LCP2: variants seen among roughly 807,000 people sequenced by gnomAD.
The protein encoded by LCP2 is lymphocyte cytosolic protein 2, also known as 76 kDa tyrosine phosphoprotein.
A neutral mutation model predicts 74.5 loss-of-function variants in LCP2; 29 were observed. That is an observed-to-expected ratio of 0.39 (90% CI 0.29 to 0.53). The LOEUF (loss-of-function observed/expected upper bound fraction) is 0.53. Ranked by LOEUF, LCP2 falls within the 20% of genes least tolerant of loss-of-function variation. The pLI is 0.72. For synonymous variants in LCP2, 228 were observed against 229.5 expected (o/e 0.99, Z 0.06); for missense variants, 604 against 634.6 (o/e 0.95, Z 0.52).
intron 6 of LCP2, 179 bp downstream of exon 6, chr5:170,274,122 C>T: frequency 1.6e-6 from 1 of 629,142 alleles, no homozygotes; most frequent in Non-Finnish European, 2.8e-6. Context: ...GAGTGCATGG[C>T]TCCCAAAGCC....
chr5:170,259,721 C>T (rs1342550175), intron 14 of LCP2, among the ~76,000 whole-genome samples: 1 of 152,206 alleles, frequency 6.6e-6, no homozygotes, highest in East Asian at 1.9e-4. Context: ...TCCTATCACA[C>T]ACTGAGAGAA....
At position 170,274,331 on chromosome 5, in the gene LCP2, G is replaced by A. The variant is rs202068772; in HGVS notation, c.294C>T (p.His98=). Residue 98 remains histidine, a synonymous_variant, in exon 6 of 21, where the codon CAC becomes CAT. Coordinates refer to ENST00000046794, the MANE Select transcript of LCP2 (RefSeq NM_005565.5). The part of the protein sequence containing the change: ...VPRFPEETES[H]EEDNGGWSSF... ...ACGACCAGCCCCCATTGTCCTCTTC[G>A]TGGCTTTCTGTGGAAGGAGATGACA... 295 of 1,613,026 alleles carry A rather than the reference G, an allele frequency of 1.8e-4. No homozygotes were observed. The highest frequency in any genetic ancestry group is 6.6e-4 in the Middle Eastern group (4 of 6,060).
chr5:170,271,584 T>C (rs1243618531), intron 6 of LCP2, among the ~76,000 whole-genome samples: 3 of 152,196 alleles, frequency 2.0e-5, no homozygotes, highest in Admixed American at 2.0e-4. Flanking sequence ...TTTTTTATTG[T>C]ATTTTATTTT....
chr5:170,265,327 G>A (rs910551830), intron 10 of LCP2, among the ~76,000 whole-genome samples: 1 of 152,146 alleles, frequency 6.6e-6, no homozygotes, highest in African/African-American at 2.4e-5. Context: ...CATGTTAAAA[G>A]TCTCAGGTGG....
intron 3 of LCP2, among the ~76,000 whole-genome samples, chr5:170,276,643 CA>C (rs1762011837): frequency 2.0e-5 from 3 of 152,086 alleles, no homozygotes. Context: ...CCGACAGAAC[CA>C]TATCTCCAGC....
At chr5:170,278,409 T>TGGGGGGCGGGGGGGA (rs1172152749) in intron 3 of LCP2, among the ~76,000 whole-genome samples, 1 of 11,604 alleles carries the variant, frequency 8.6e-5, no homozygotes, top group African/African-American at 5.0e-4. Flanking sequence ...AGTGCAGGGG[T>TGGGGGGCGGGGGGGA]TGGGGGCGGG....
chr5:170,281,971 C>T (rs1448729081), intron 3 of LCP2, among the ~76,000 whole-genome samples: 3 of 152,198 alleles, frequency 2.0e-5, no homozygotes, highest in African/African-American at 7.2e-5. Flanking sequence ...AACGTGTATT[C>T]GTGTATTCTA....
intron 6 of LCP2, 103 bp from the exon 7 acceptor site, chr5:170,271,020 C>T (rs969264401): frequency 1.5e-5 from 15 of 1,019,280 alleles, no homozygotes; most frequent in South Asian, 8.7e-5. Context: ...CAGTATAACC[C>T]GGGACCAGGC....
chr5:170,260,835 T>G (rs534053941), intron 14 of LCP2, among the ~76,000 whole-genome samples: 1 of 152,352 alleles, frequency 6.6e-6, no homozygotes, highest in South Asian at 2.1e-4. Context: ...TTGTGCCCTG[T>G]AATTACCGGC....
At chr5:170,289,647 T>TTCTCTCTCTCTCTCTC (rs1762246889) in intron 2 of LCP2, among the ~76,000 whole-genome samples, 13 of 108,866 alleles carry the variant, frequency 1.2e-4, no homozygotes, top group African/African-American at 5.0e-4. Context: ...CTTTCTTTCT[T>TTCTCTCTCTCTCTCTC]TCTTTCTTTC....
At chr5:170,297,502 A>G in intron 1 of LCP2, 32 bp downstream of exon 1, 3 of 1,594,274 alleles carry the variant, frequency 1.9e-6, no homozygotes, top group Non-Finnish European at 1.7e-6. Context: ...GGGCACTAGC[A>G]TCATGACCAT....
chr5:170,289,629 CTTTCTTT>C (rs1762245320), intron 2 of LCP2, among the ~76,000 whole-genome samples: 1 of 101,210 alleles, frequency 9.9e-6, no homozygotes, highest in Non-Finnish European at 2.0e-5. Flanking sequence ...TTCTTTCTTT[CTTTCTTT>C]CTTTCTTTCT....
rs543691800 is a variant in LCP2 at position 170,281,499 on chromosome 5, C to T, written c.189-5639G>A. On this transcript the variant is annotated intron_variant, in intron 3 of 20. Coordinates refer to ENST00000046794, the MANE Select transcript of LCP2 (RefSeq NM_005565.5). ...GTTTCACTGTGTTAGCCAGGATGGTCTCGATCTCCTGACCTTGTGATCCGC... is the reference window on the plus strand; with the variant it reads ...GTTTCACTGTGTTAGCCAGGATGGTTTCGATCTCCTGACCTTGTGATCCGC... Among the ~76,000 whole-genome samples, 85 of 152,198 alleles carry T rather than the reference C, an allele frequency of 5.6e-4. 1 individual carries two copies. The highest frequency in any genetic ancestry group is 1.0e-3 in the Non-Finnish European group (69 of 68,034).
chr5:170,266,657 C>T, intron 10 of LCP2, 151 bp downstream of exon 10: 1 of 735,974 alleles, frequency 1.4e-6, no homozygotes. Context: ...GTCTCCGTTT[C>T]CTTATCTGTA....
chr5:170,285,696 T>C (rs1284157284), intron 3 of LCP2, among the ~76,000 whole-genome samples: 5 of 152,226 alleles, frequency 3.3e-5, no homozygotes, highest in Non-Finnish European at 5.9e-5. Flanking sequence ...TTTCCAGCCC[T>C]GTGAGTGGCT....
chr5:170,282,023 A>G (rs1274399547), intron 3 of LCP2, among the ~76,000 whole-genome samples: 1 of 152,180 alleles, frequency 6.6e-6, no homozygotes, highest in Non-Finnish European at 1.5e-5. Flanking sequence ...ATGAGGGCCA[A>G]CCTAGGCCCT....
intron 6 of LCP2, among the ~76,000 whole-genome samples, chr5:170,271,513 T>A (rs183217793): frequency 2.0e-4 from 30 of 152,282 alleles, no homozygotes; most frequent in African/African-American, 6.3e-4. Context: ...ACATCCATTA[T>A]TCATGAAATC....
At chr5:170,289,538 C>T (rs1474891081) in intron 2 of LCP2, among the ~76,000 whole-genome samples, 3 of 152,152 alleles carry the variant, frequency 2.0e-5, no homozygotes, top group Non-Finnish European at 4.4e-5. Context: ...TGAAGGGAGT[C>T]AGCCAGAAGT....
At position 170,256,117 on chromosome 5, in the gene LCP2, G is replaced by A. The variant is rs1455090013; in HGVS notation, c.1150+409C>T. Among the ~76,000 whole-genome samples the A allele has an allele frequency of 2.0e-5, 3 of 152,186 alleles. No homozygotes were observed. Among genetic ancestry groups the A allele is most frequent in the Non-Finnish European group, 4.4e-5 (3 of 68,014 alleles). ...GGAATAGTTCTGCACAGGAAGATTG[G>A]GGATGAGGGCTGGCTTCCTGGTGAA... is the stretch of plus-strand genomic sequence containing the variant. On this transcript the variant is annotated intron_variant, in intron 17 of 20. Coordinates refer to ENST00000046794, the MANE Select transcript of LCP2 (RefSeq NM_005565.5). This position sits in a 1 kb window ranked among gnomAD's most constrained non-coding sequence, Gnocchi z 4.5.
Sources: allele counts gnomAD v4.1 joint callset (sites outside exome capture counted in the v4.1 genomes callset), GRCh38; gene constraint gnomAD v4.1.1; non-coding constraint Gnocchi (gnomAD v3.1); transcripts MANE v1.5; gene names NCBI Gene and HGNC (gene_info 2026-07-23, HGNC 2026-07-21).